SHLD1: variants seen among roughly 807,000 people sequenced by gnomAD.
SHLD1 encodes RINN1-REV7-interacting novel NHEJ regulator 3.
In SHLD1, 3 loss-of-function variants were observed where a neutral mutation model predicts 5.5. That is an observed-to-expected ratio of 0.54 (90% CI 0.25 to 1.40). SHLD1 has a LOEUF of 1.40. Ranked by LOEUF, SHLD1 falls within the 40% of genes most tolerant of loss-of-function variation. The pLI is 0.15. For missense variants in SHLD1, 210 were observed against 244.4 expected (o/e 0.86, Z 0.94); for synonymous variants, 92 against 94.3 (o/e 0.98, Z 0.14).
chr20:5,762,564 G>T (rs1984525470), intron 1 of SHLD1, among the ~76,000 whole-genome samples: 1 of 152,088 alleles, frequency 6.6e-6, no homozygotes, highest in South Asian at 2.1e-4. Context: ...GCAGGATTTG[G>T]GGACCAGTGC....
At chr20:5,807,404 A>G (rs1046708868) in intron 2 of SHLD1, among the ~76,000 whole-genome samples, 1 of 111,302 alleles carries the variant, frequency 9.0e-6, no homozygotes, top group Non-Finnish European at 1.8e-5. Flanking sequence ...TTTTTTTTGA[A>G]TTGGGGATCT....
At chr20:5,781,922 G>A (rs570596782) in intron 2 of SHLD1, among the ~76,000 whole-genome samples, 31 of 152,204 alleles carry the variant, frequency 2.0e-4, no homozygotes, top group Admixed American at 1.3e-4. Flanking sequence ...TTCAACAACC[G>A]GCACGACTGT....
In SHLD1 at chr20:5,863,767, C is replaced by G. The variant is rs1473950943; in HGVS notation, c.*304C>G. On this transcript the variant is annotated 3_prime_UTR_variant, in exon 3 of 3. Coordinates refer to ENST00000303142, the MANE Select transcript of SHLD1 (RefSeq NM_152504.4). ...CATTCTCTGAGGAGTAATTTATGCT[C>G]TAGCACTCCCTTTCCTCTAGATCGG... 6.4e-6 allele frequency: 2 copies of G among 310,550 alleles called. No individual in the cohort carries two copies. The highest frequency in any genetic ancestry group is 2.2e-5 in the African/African-American group (1 of 46,402). 19.2% of individuals were successfully genotyped at this position (310,550 alleles called of 1,614,324 possible).
At chr20:5,861,624 A>G (rs1308174287) in intron 2 of SHLD1, among the ~76,000 whole-genome samples, 1 of 152,206 alleles carries the variant, frequency 6.6e-6, no homozygotes, top group Non-Finnish European at 1.5e-5. Context: ...ACATTCTAGA[A>G]GAGAGATTGT....
chr20:5,813,106 G>A (rs1296553456), intron 2 of SHLD1, among the ~76,000 whole-genome samples: 1 of 151,928 alleles, frequency 6.6e-6, no homozygotes, highest in Non-Finnish European at 1.5e-5. Context: ...GAACTTCTGG[G>A]CTCAAGTGAT....
At chr20:5,780,319 T>C (rs558614044) in intron 2 of SHLD1, among the ~76,000 whole-genome samples, 1 of 152,248 alleles carries the variant, frequency 6.6e-6, no homozygotes, top group African/African-American at 2.4e-5. Flanking sequence ...ATCAAATTCT[T>C]CAGTCAAAAT....
chr20:5,812,537 C>T (rs1165153139), intron 2 of SHLD1, among the ~76,000 whole-genome samples: 1 of 152,166 alleles, frequency 6.6e-6, no homozygotes, highest in Non-Finnish European at 1.5e-5. Context: ...TGTAAGACAA[C>T]AGAGCCAGAA....
At chr20:5,790,650 C>T (rs891600655) in intron 2 of SHLD1, among the ~76,000 whole-genome samples, 2 of 151,920 alleles carry the variant, frequency 1.3e-5, no homozygotes, top group Admixed American at 6.6e-5. Flanking sequence ...GACGGGGTTT[C>T]ACCGTGTTGG....
At chr20:5,797,990 C>G (rs921220848) in intron 2 of SHLD1, among the ~76,000 whole-genome samples, 8 of 152,174 alleles carry the variant, frequency 5.3e-5, no homozygotes, top group African/African-American at 1.4e-4. Flanking sequence ...GGAACAACAA[C>G]CATTATGTTC....
intron 1 of SHLD1, among the ~76,000 whole-genome samples, chr20:5,767,078 C>T (rs1330302239): frequency 6.6e-6 from 1 of 152,148 alleles, no homozygotes; most frequent in Non-Finnish European, 1.5e-5. Context: ...AACTGTCTCT[C>T]CTTGTTGACT....
chr20:5,755,336 G>C (rs1984011880), intron 1 of SHLD1, among the ~76,000 whole-genome samples: 1 of 152,132 alleles, frequency 6.6e-6, no homozygotes, highest in Non-Finnish European at 1.5e-5. Flanking sequence ...GGTGGTATTA[G>C]ATTCTCATAT....
At chr20:5,857,925 C>G (rs916957413) in intron 2 of SHLD1, among the ~76,000 whole-genome samples, 2 of 152,078 alleles carry the variant, frequency 1.3e-5, no homozygotes, top group Non-Finnish European at 2.9e-5. Flanking sequence ...CGGTGAAACC[C>G]CGTCTCTACT....
At chr20:5,844,800 T>TATATA (rs1491104211) in intron 2 of SHLD1, among the ~76,000 whole-genome samples, 3 of 70,178 alleles carry the variant, frequency 4.3e-5, no homozygotes, top group South Asian at 4.3e-4. Flanking sequence ...TATATATATA[T>TATATA]TTTTTTTTTT....
At chr20:5,762,429 G>A (rs1412424269) in intron 1 of SHLD1, among the ~76,000 whole-genome samples, 1 of 152,068 alleles carries the variant, frequency 6.6e-6, no homozygotes, top group African/African-American at 2.4e-5. Context: ...ACTGGATCTG[G>A]GAATCCAGCC....
At chr20:5,828,167 C>G (rs1054445462) in intron 2 of SHLD1, among the ~76,000 whole-genome samples, 2 of 152,276 alleles carry the variant, frequency 1.3e-5, no homozygotes, top group Non-Finnish European at 2.9e-5. Context: ...TAGTCACTGT[C>G]ATCTCCTCTG....
Position 5,792,098 on chromosome 20 carries a change from A to G in SHLD1, c.178+19055A>G, listed in dbSNP as rs578225608. On this transcript the variant is annotated intron_variant, in intron 2 of 2. Transcript: ENST00000303142. ...TGTAGGAGTTCTTTATGTATTCTAG[A>G]TACTAACTTCTTATCAGATATGTGA... Among the ~76,000 whole-genome samples, 270 of 152,216 alleles carry G rather than the reference A, an allele frequency of 1.8e-3. 2 individuals carry two copies. The highest frequency in any genetic ancestry group is 0.013 in the South Asian group (65 of 4,828).
At chr20:5,840,481 C>T (rs2087844520) in intron 2 of SHLD1, among the ~76,000 whole-genome samples, 1 of 152,178 alleles carries the variant, frequency 6.6e-6, no homozygotes, top group East Asian at 1.9e-4. Flanking sequence ...TCATTTTTTG[C>T]TGGTATGGAT....
intron 2 of SHLD1, among the ~76,000 whole-genome samples, chr20:5,797,895 T>C (rs2087234760): frequency 6.6e-6 from 1 of 152,232 alleles, no homozygotes; most frequent in Non-Finnish European, 1.5e-5. Context: ...TATGACCCTC[T>C]GTTCTCTGTC....
intron 1 of SHLD1, among the ~76,000 whole-genome samples, chr20:5,751,157 T>C (rs6116934): frequency 0.26 from 39,989 of 152,122 alleles, 6,311 homozygotes; most frequent in African/African-American, 0.43. Flanking sequence ...CCACTCCGCC[T>C]CAAGTCCTAG....
Sources: allele counts gnomAD v4.1 joint callset (sites outside exome capture counted in the v4.1 genomes callset), GRCh38; gene constraint gnomAD v4.1.1; transcripts MANE v1.5; gene names NCBI Gene and HGNC (gene_info 2026-07-23, HGNC 2026-07-21).